The following SORCS1 variants were observed in gnomAD, a reference collection of about 807,000 sequenced individuals.
SORCS1 encodes sortilin related VPS10 domain containing receptor 1.
SORCS1 carries 60 observed loss-of-function variants against 146.1 expected under a neutral mutation model. The ratio of observed to expected loss-of-function variants is 0.41; its 90% CI spans 0.33 to 0.51. SORCS1 has a LOEUF of 0.51. Among genes scored for constraint, SORCS1 ranks in the 20% least tolerant of loss-of-function variants. The pLI, the probability that SORCS1 is intolerant of heterozygous loss-of-function variation, is 0.21. For synonymous variants in SORCS1, 637 were observed against 584.0 expected (o/e 1.09, Z -1.31); for missense variants, 1,352 against 1,487.6 (o/e 0.91, Z 1.50).
chr10:106,978,584 G>A lies in SORCS1; in HGVS notation c.559-22004C>T, dbSNP rs1345981726. 2.6e-5 allele frequency among the ~76,000 whole-genome samples: 4 copies of A among 152,204 alleles called. No individual in the cohort carries two copies. In the East Asian group the frequency reaches 7.7e-4, roughly 29 times the overall value. On this transcript the variant is annotated intron_variant, in intron 1 of 25. Transcript: ENST00000263054. Reference sequence around the variant, plus strand: ...GGAGGCCGAGGCAGGCAGATCATGAGGTCAGGAGTTTGAGACCAGCCTGAC... The same window carrying A: ...GGAGGCCGAGGCAGGCAGATCATGAAGTCAGGAGTTTGAGACCAGCCTGAC...
intron 2 of SORCS1, among the ~76,000 whole-genome samples, chr10:106,912,498 G>C (rs916589601): frequency 3.3e-5 from 5 of 152,098 alleles, no homozygotes; most frequent in Non-Finnish European, 5.9e-5. Context: ...AGGTATCCCA[G>C]AGCACCTAAG....
chr10:106,930,343 T>C (rs758422417), intron 2 of SORCS1, among the ~76,000 whole-genome samples: 3 of 151,580 alleles, frequency 2.0e-5, no homozygotes, highest in Non-Finnish European at 4.4e-5. Flanking sequence ...GGTTACAAAA[T>C]CACCAGGAAA....
chr10:106,690,204 T>C (rs1405295256), intron 9 of SORCS1, among the ~76,000 whole-genome samples: 2 of 152,224 alleles, frequency 1.3e-5, no homozygotes, highest in Non-Finnish European at 2.9e-5. Flanking sequence ...TCCATATTGG[T>C]TTTGTATATG....
intron 2 of SORCS1, among the ~76,000 whole-genome samples, chr10:106,927,992 A>C (rs921681502): frequency 7.9e-5 from 12 of 152,362 alleles, no homozygotes; most frequent in African/African-American, 2.9e-4. Context: ...CCTTAGCTAG[A>C]CATAAAGGTT....
At chr10:106,990,017 T>C (rs1349659606) in intron 1 of SORCS1, among the ~76,000 whole-genome samples, 2 of 151,926 alleles carry the variant, frequency 1.3e-5, no homozygotes, top group African/African-American at 4.8e-5. Context: ...GCCTGATTCA[T>C]GTTGCTGTTA....
chr10:106,622,349 T>G (rs539146599), intron 19 of SORCS1, among the ~76,000 whole-genome samples: 2 of 143,596 alleles, frequency 1.4e-5, no homozygotes, highest in South Asian at 4.6e-4. Flanking sequence ...TAATGATAGC[T>G]AACACACATT....
At chr10:106,983,929 G>T (rs1235045148) in intron 1 of SORCS1, among the ~76,000 whole-genome samples, 1 of 152,114 alleles carries the variant, frequency 6.6e-6, no homozygotes, top group Admixed American at 6.6e-5. Context: ...AACTTGTAAA[G>T]GTCATATCTA....
At chr10:107,145,378 T>C (rs1565102119) in intron 1 of SORCS1, among the ~76,000 whole-genome samples, 2 of 152,176 alleles carry the variant, frequency 1.3e-5, no homozygotes. Context: ...CATCCCAGAC[T>C]GGCAGATTAC....
chr10:106,616,978 G>A (rs1239783534), intron 21 of SORCS1, among the ~76,000 whole-genome samples: 1 of 147,696 alleles, frequency 6.8e-6, no homozygotes, highest in Admixed American at 6.8e-5. Flanking sequence ...TTTCGAGATG[G>A]AGTTTCTCTC....
At chr10:106,755,570 C>T (rs1418108641) in intron 5 of SORCS1, among the ~76,000 whole-genome samples, 2 of 151,720 alleles carry the variant, frequency 1.3e-5, no homozygotes, top group African/African-American at 2.4e-5. Context: ...TCTTCCCTTA[C>T]AGTAACATAA....
intron 1 of SORCS1, among the ~76,000 whole-genome samples, chr10:107,132,381 A>G (rs1002226397): frequency 1.3e-5 from 2 of 152,210 alleles, no homozygotes; most frequent in African/African-American, 2.4e-5. Context: ...TTCCGGTGCC[A>G]TATGTTAATT....
chr10:106,615,746 C>G (rs1847318187), intron 21 of SORCS1, among the ~76,000 whole-genome samples: 1 of 152,136 alleles, frequency 6.6e-6, no homozygotes, highest in Non-Finnish European at 1.5e-5. Context: ...AGGAGGAGAA[C>G]CTTGCCAAAT....
intron 1 of SORCS1, among the ~76,000 whole-genome samples, chr10:107,063,279 G>A (rs1176760763): frequency 1.3e-5 from 2 of 152,104 alleles, no homozygotes; most frequent in Non-Finnish European, 2.9e-5. Context: ...CCATTTTCAT[G>A]TTTTCTAAAA....
At chr10:106,983,572 A>G (rs1272423044) in intron 1 of SORCS1, among the ~76,000 whole-genome samples, 45 of 152,054 alleles carry the variant, frequency 3.0e-4, no homozygotes, top group Non-Finnish European at 8.8e-5. Context: ...AGTGCTTCCT[A>G]TTTCCCAAGG....
chr10:107,098,090 T>C (rs1964659257), intron 1 of SORCS1, among the ~76,000 whole-genome samples: 1 of 152,224 alleles, frequency 6.6e-6, no homozygotes, highest in Admixed American at 6.5e-5. Flanking sequence ...ATGTAGACAA[T>C]CATTAGGTAA....
At chr10:106,768,960 A>G (rs1859781058) in intron 4 of SORCS1, among the ~76,000 whole-genome samples, 1 of 152,216 alleles carries the variant, frequency 6.6e-6, no homozygotes, top group East Asian at 1.9e-4. Flanking sequence ...CTACATTTAA[A>G]CGACCTGTTG....
rs536267157 is a variant in SORCS1 at position 106,688,234 on chromosome 10, C to G, written c.1518G>C (p.Ala506=). ...NKGRDWRLLQ[A]PDTDLRGDPV... The stretch of plus-strand genomic sequence containing the variant: ...GGTCCCCCCTTAGATCCGTGTCCGG[C>G]GCCTGCAGCAAACGCCAGTCTCTGC... Residue 506 remains alanine, a synonymous_variant, in exon 10 of 26, where the codon GCG becomes GCC. Coordinates refer to ENST00000263054, the MANE Select transcript of SORCS1 (RefSeq NM_052918.5). 6.2e-7 allele frequency: 1 copy of G among 1,614,038 alleles called. No individual in the cohort carries two copies. Among genetic ancestry groups the G allele is most frequent in the Non-Finnish European group, 8.5e-7 (1 of 1,179,926 alleles).
intron 7 of SORCS1, among the ~76,000 whole-genome samples, chr10:106,708,877 A>G (rs978960984): frequency 6.6e-6 from 1 of 152,106 alleles, no homozygotes; most frequent in African/African-American, 2.4e-5. Flanking sequence ...AGTCCCTTTG[A>G]TAACTGGGAG....
At chr10:106,589,785 G>A (rs946523872) in intron 24 of SORCS1, among the ~76,000 whole-genome samples, 2 of 151,206 alleles carry the variant, frequency 1.3e-5, no homozygotes, top group Non-Finnish European at 2.9e-5. Context: ...TGCCACTTGA[G>A]TTGTAAACTT....
Sources: allele counts gnomAD v4.1 joint callset (sites outside exome capture counted in the v4.1 genomes callset), GRCh38; gene constraint gnomAD v4.1.1; transcripts MANE v1.5; gene names NCBI Gene and HGNC (gene_info 2026-07-23, HGNC 2026-07-21).